MAPK10: variants seen among roughly 807,000 people sequenced by gnomAD.
MAPK10 encodes the protein mitogen-activated protein kinase 10, also known as JNK3 alpha protein kinase.
Under a neutral mutation model 59.3 loss-of-function variants are expected in MAPK10, and 25 were observed. The ratio of observed to expected loss-of-function variants is 0.42; its 90% CI spans 0.31 to 0.59. The LOEUF (loss-of-function observed/expected upper bound fraction) is 0.59. MAPK10 is among the 20% of genes least tolerant of loss of function. MAPK10 has a pLI of 0.15. For missense variants in MAPK10, 351 were observed against 568.9 expected, an observed-to-expected ratio of 0.62 and a Z score of 3.90; for synonymous variants, 190 against 200.5, an observed-to-expected ratio of 0.95 and a Z score of 0.44.
chr4:86,486,249 G>A (rs751348414), intron 1 of MAPK10, among the ~76,000 whole-genome samples: 1 of 152,116 alleles, frequency 6.6e-6, no homozygotes, highest in Non-Finnish European at 1.5e-5. Context: ...TATCACACTT[G>A]TGAATAGCCA....
intron 2 of MAPK10, among the ~76,000 whole-genome samples, chr4:86,350,484 G>C (rs937643253): frequency 2.0e-5 from 3 of 152,128 alleles, no homozygotes; most frequent in Non-Finnish European, 4.4e-5. Flanking sequence ...AAAGTGCTGG[G>C]ATTACAGGCG....
intron 2 of MAPK10, among the ~76,000 whole-genome samples, chr4:86,262,404 T>C (rs1183219666): frequency 1.3e-5 from 2 of 152,194 alleles, no homozygotes; most frequent in Non-Finnish European, 2.9e-5. Flanking sequence ...TACCCTGTTG[T>C]AGCCGCATAA....
rs757648069 is a variant in MAPK10 at position 86,031,440 on chromosome 4, T to C, written c.1111-9A>G. 1.3e-6 allele frequency: 2 copies of C among 1,599,800 alleles called. No individual in the cohort carries two copies. Among genetic ancestry groups the C allele is most frequent in the Admixed American group, 3.3e-5 (2 of 59,912 alleles). On this transcript the variant is annotated splice_polypyrimidine_tract_variant and intron_variant, in intron 11 of 13. Transcript: ENST00000641462. ...TATATCTGAGGTGGAGGCTGCCGAATAAAAACAAAAAATAATCTTTGTGTG... is the reference window on the plus strand; with the variant it reads ...TATATCTGAGGTGGAGGCTGCCGAACAAAAACAAAAAATAATCTTTGTGTG...
At chr4:86,359,450 C>T (rs1000474268) in intron 1 of MAPK10, among the ~76,000 whole-genome samples, 8 of 151,616 alleles carry the variant, frequency 5.3e-5, no homozygotes, top group African/African-American at 1.9e-4. Flanking sequence ...GGTTTCAACA[C>T]GCCCAAGTCT....
upstream of MAPK10, among the ~76,000 whole-genome samples, chr4:86,360,716 AC>A (rs1218232705): frequency 6.6e-6 from 1 of 152,074 alleles, no homozygotes; most frequent in African/African-American, 2.4e-5. Context: ...TGAAAATTGT[AC>A]TGTTACTATT....
At chr4:86,297,206 T>C (rs1439316683) in intron 2 of MAPK10, among the ~76,000 whole-genome samples, 1 of 152,240 alleles carries the variant, frequency 6.6e-6, no homozygotes, top group Non-Finnish European at 1.5e-5. Flanking sequence ...TAATTTGAAT[T>C]TTATTATTTT....
chr4:86,465,404 G>A (rs1268376115), intron 1 of MAPK10, among the ~76,000 whole-genome samples: 3 of 152,164 alleles, frequency 2.0e-5, no homozygotes, highest in Non-Finnish European at 4.4e-5. Context: ...AAGCCATAGT[G>A]GAAAGAATGA....
At chr4:86,393,395 T>A (rs1055573042) in intron 1 of MAPK10, among the ~76,000 whole-genome samples, 9 of 151,946 alleles carry the variant, frequency 5.9e-5, no homozygotes, top group African/African-American at 1.7e-4. Flanking sequence ...TATTAAAGAA[T>A]CAAGAAACTT....
chr4:86,077,795 C>T (rs1002313509), intron 9 of MAPK10, among the ~76,000 whole-genome samples: 15 of 152,258 alleles, frequency 9.9e-5, no homozygotes, highest in African/African-American at 3.4e-4. Flanking sequence ...ATAGCAATGT[C>T]GTTATAGAAT....
In MAPK10 at chr4:86,225,145, T is replaced by C. The variant is rs779484284; in HGVS notation, c.-6-30738A>G. On this transcript the variant is annotated intron_variant, in intron 2 of 13. Coordinates refer to ENST00000641462, the MANE Select transcript of MAPK10 (RefSeq NM_138982.4). ...AACAGCAGCCTGAAGCTGTTATCCC[T>C]AGAAATCCGTGCTTGGAAGTTTGGC... 3.3e-5 allele frequency among the ~76,000 whole-genome samples: 5 copies of C among 152,198 alleles called. No individual in the cohort carries two copies. The South Asian group carries it at 1.0e-3, about 31-fold the overall frequency.
At chr4:86,310,853 G>A (rs2095654677) in intron 2 of MAPK10, among the ~76,000 whole-genome samples, 1 of 151,844 alleles carries the variant, frequency 6.6e-6, no homozygotes, top group Non-Finnish European at 1.5e-5. Flanking sequence ...TTTTCATGAT[G>A]GCAATTTTAA....
At chr4:86,036,650 A>G (rs1005571782) in intron 11 of MAPK10, among the ~76,000 whole-genome samples, 40 of 152,242 alleles carry the variant, frequency 2.6e-4, no homozygotes, top group Non-Finnish European at 1.0e-4. Context: ...AGCAAGTGTC[A>G]ATACTGTTGA....
intron 11 of MAPK10, among the ~76,000 whole-genome samples, chr4:86,054,996 T>C (rs1191070322): frequency 6.6e-6 from 1 of 152,156 alleles, no homozygotes; most frequent in African/African-American, 2.4e-5. Flanking sequence ...AAACAGAATT[T>C]AAATGATGGC....
intron 2 of MAPK10, among the ~76,000 whole-genome samples, chr4:86,260,152 GC>G (rs1269519947): frequency 3.4e-4 from 52 of 152,064 alleles, no homozygotes; most frequent in Non-Finnish European, 7.2e-4. Flanking sequence ...ACACTGAGTA[GC>G]CTAAAAATAA....
intron 1 of MAPK10, among the ~76,000 whole-genome samples, chr4:86,436,112 G>A (rs1160560600): frequency 6.6e-6 from 1 of 152,168 alleles, no homozygotes; most frequent in Admixed American, 6.5e-5. Context: ...TATTCAAGCA[G>A]GGAACTTGGA....
chr4:86,408,733 C>G (rs2149024642), intron 1 of MAPK10, among the ~76,000 whole-genome samples: 1 of 152,262 alleles, frequency 6.6e-6, no homozygotes, highest in East Asian at 1.9e-4. Flanking sequence ...CGTTTCCCCA[C>G]TTTTTGATGG....
intron 2 of MAPK10, among the ~76,000 whole-genome samples, chr4:86,313,041 G>A (rs2095702021): frequency 6.6e-6 from 1 of 151,844 alleles, no homozygotes; most frequent in Non-Finnish European, 1.5e-5. Flanking sequence ...AAATATGTAG[G>A]CATATACATA....
intron 9 of MAPK10, chr4:86,090,603 T>C (rs1046596346): frequency 3.9e-5 from 6 of 152,126 alleles, no homozygotes; most frequent in African/African-American, 1.4e-4. Context: ...TTTCAAGTAA[T>C]ATCTGTCTCA....
intron 4 of MAPK10, among the ~76,000 whole-genome samples, chr4:86,113,502 G>T (rs1474741321): frequency 6.6e-6 from 1 of 152,082 alleles, no homozygotes; most frequent in African/African-American, 2.4e-5. Flanking sequence ...ATGAAATTCT[G>T]GGTTGGAAAC....
Sources: gnomAD v4.1 joint callset for allele counts (sites outside exome capture counted in the v4.1 genomes callset) on GRCh38, gnomAD v4.1.1 for gene constraint, MANE v1.5 for transcripts, NCBI Gene and HGNC (gene_info 2026-07-23, HGNC 2026-07-21) for gene names.